FER1L6: variants seen among roughly 807,000 people sequenced by gnomAD.
FER1L6 encodes fer-1-like protein 6.
FER1L6 carries 177 observed loss-of-function variants against 219.2 expected under a neutral mutation model. The observed-to-expected ratio is 0.81, with a 90% CI of 0.71 to 0.91. The LOEUF is 0.91. FER1L6 is among the 40% of genes least tolerant of loss of function. FER1L6 has a pLI of 0.00. For missense variants in FER1L6, 2,153 were observed against 2,259.9 expected, an observed-to-expected ratio of 0.95 and a Z score of 0.96; for synonymous variants, 768 against 824.3, an observed-to-expected ratio of 0.93 and a Z score of 1.17.
In FER1L6 at chr8:123,901,955, C is replaced by T. The variant is rs117726723; in HGVS notation, c.-8+49770C>T. On this transcript the variant is annotated intron_variant, in intron 1 of 40. Transcript: ENST00000522917. ...CAGGAGGGTCTCAATCTCCAGACTTCGTTATCCCCCACCTCAGCCTCCCCA... is the reference window on the plus strand; with the variant it reads ...CAGGAGGGTCTCAATCTCCAGACTTTGTTATCCCCCACCTCAGCCTCCCCA... 4.7e-3 allele frequency among the ~76,000 whole-genome samples: 713 copies of T among 152,032 alleles called. 2 individuals carry two copies. Among genetic ancestry groups the T allele is most frequent in the Middle Eastern group, 0.017 (5 of 294 alleles).
chr8:124,064,380 CTG>C lies in FER1L6; in HGVS notation c.3363_3364del (p.Gly1122SerfsTer18), dbSNP rs1341436246. The C allele has an allele frequency of 6.2e-7, 1 of 1,612,890 alleles. No individual in the cohort carries two copies. The highest frequency in any genetic ancestry group is 8.5e-7 in the Non-Finnish European group (1 of 1,179,672). ...GATTCGCTAACAGCCACTGAGTCCT[CTG>C]GAGCCCACAGCTCCTCCCAGGATCC... On this transcript the variant is annotated frameshift_variant, in exon 26 of 41. Transcript: ENST00000522917. LOFTEE classifies it high-confidence loss of function.
rs181129606 is a variant in FER1L6, at chr8:123,883,924, A to C, written c.-8+31739A>C. Among the ~76,000 whole-genome samples, 8 of 152,336 alleles carry C rather than the reference A, an allele frequency of 5.3e-5. No individual in the cohort carries two copies. The East Asian group carries it at 1.5e-3, about 29-fold the overall frequency. ...TCACGTTACAATACTTACTTAATAC[A>C]ATCATGTTGGTAATTAAGTTTCAAC... On this transcript the variant is annotated intron_variant, in intron 1 of 40. Coordinates refer to ENST00000522917, the MANE Select transcript of FER1L6 (RefSeq NM_001039112.2).
rs145750421 is a variant in FER1L6, at chr8:124,087,147, CTT to C, written c.4392-4274_4392-4273del. 7.7e-3 allele frequency among the ~76,000 whole-genome samples: 1,167 copies of C among 152,152 alleles called. 12 individuals carry two copies. Among genetic ancestry groups the C allele is most frequent in the African/African-American group, 0.026 (1,097 of 41,500 alleles). On this transcript the variant is annotated intron_variant, in intron 33 of 40. Transcript: ENST00000522917. ...TCTTTCTCTTGGTTTCTTATTATCTCTTTGAATAAACTTTCTACTCTGATCTC... is the reference window on the plus strand; with the variant it reads ...TCTTTCTCTTGGTTTCTTATTATCTCTGAATAAACTTTCTACTCTGATCTC...
chr8:124,016,764 T>A (rs531534837), intron 15 of FER1L6, among the ~76,000 whole-genome samples: 1 of 152,226 alleles, frequency 6.6e-6, no homozygotes, highest in Non-Finnish European at 1.5e-5. Flanking sequence ...TAGTCCCTAA[T>A]GACATTTAAG....
rs764321923 is a variant in FER1L6, at chr8:124,045,899, G to T, written c.2722G>T (p.Val908Leu). 6.8e-6 allele frequency: 11 copies of T among 1,613,644 alleles called. No homozygotes were observed. Among genetic ancestry groups the T allele is most frequent in the Non-Finnish European group, 4.2e-6 (5 of 1,179,964 alleles). The change falls in exon 21 of 41, where the codon GTG becomes TTG. Residue 908 changes from valine (V) to leucine (L), a missense_variant and splice_region_variant. Physicochemically the swap from Val to Leu is conservative, Grantham distance 32 (BLOSUM62 1). Coordinates refer to ENST00000522917, the MANE Select transcript of FER1L6 (RefSeq NM_001039112.2). ...VVVELYDSDA[V>L]GKPEYLGATV... ...GGTGGAGCTGTATGACAGCGACGCT[G>T]TGGTGAGTGTCCCCCTGGGCCAGTG...
chr8:123,934,490 T>A (rs1312521108), intron 1 of FER1L6, among the ~76,000 whole-genome samples: 1 of 152,132 alleles, frequency 6.6e-6, no homozygotes, highest in Non-Finnish European at 1.5e-5. Flanking sequence ...TTTTCTCAAT[T>A]TATATTTGCT....
At chr8:123,930,162 C>T (rs2129911518) in intron 1 of FER1L6, among the ~76,000 whole-genome samples, 1 of 152,230 alleles carries the variant, frequency 6.6e-6, no homozygotes, top group South Asian at 2.1e-4. Context: ...ATTCAGATTT[C>T]CCCAGTTTGA....
intron 1 of FER1L6, among the ~76,000 whole-genome samples, chr8:123,877,722 G>A (rs1419808963): frequency 6.7e-6 from 1 of 150,278 alleles, no homozygotes; most frequent in African/African-American, 2.5e-5. Flanking sequence ...GAATATGTAT[G>A]TGAAATACGC....
At chr8:123,891,357 A>G (rs979961640) in intron 1 of FER1L6, among the ~76,000 whole-genome samples, 1 of 152,134 alleles carries the variant, frequency 6.6e-6, no homozygotes, top group Non-Finnish European at 1.5e-5. Flanking sequence ...GTCGTATAAT[A>G]TTTAAACAAA....
chr8:124,062,872 A>G (rs1448383857), intron 25 of FER1L6, among the ~76,000 whole-genome samples: 1 of 152,228 alleles, frequency 6.6e-6, no homozygotes, highest in Non-Finnish European at 1.5e-5. Context: ...GCACTGATCT[A>G]CACCAGTCTA....
intron 1 of FER1L6, among the ~76,000 whole-genome samples, chr8:123,897,742 G>T (rs1308358455): frequency 6.6e-6 from 1 of 152,100 alleles, no homozygotes; most frequent in Admixed American, 6.6e-5. Context: ...AATAAATATT[G>T]TGTTTTCTTC....
At chr8:124,001,134 C>A (rs1304007274) in intron 12 of FER1L6, among the ~76,000 whole-genome samples, 2 of 152,224 alleles carry the variant, frequency 1.3e-5, no homozygotes, top group African/African-American at 4.8e-5. Context: ...AGTAAATTCC[C>A]TTAGTGGACT....
intron 15 of FER1L6, 22 bp downstream of exon 15, chr8:124,013,553 A>C: frequency 6.5e-7 from 1 of 1,542,042 alleles, no homozygotes; most frequent in Non-Finnish European, 8.8e-7. Context: ...GACAGCCGGC[A>C]TAGGCGGAGC....
chr8:123,901,750 G>A (rs1207264854), intron 1 of FER1L6, among the ~76,000 whole-genome samples: 6 of 151,170 alleles, frequency 4.0e-5, no homozygotes, highest in Admixed American at 6.6e-5. Flanking sequence ...ATGGAGCCTC[G>A]CTCTGTTGCC....
Position 123,966,177 on chromosome 8 carries a change from G to A in FER1L6, c.271G>A (p.Glu91Lys), listed in dbSNP as rs374565862. The A allele has an allele frequency of 2.1e-5, 34 of 1,613,876 alleles. No homozygotes were observed. The East Asian group carries it at 3.8e-4, about 18-fold the overall frequency. ...QNYQIAITIT[E>K]ARQLVGENID... ...GTTGCAGATTGCCATAACCATCACC[G>A]AGGCTCGCCAGCTGGTGGGTGAGAA... Residue 91 changes from glutamate (E) to lysine (K), a missense_variant, in exon 5 of 41, where the codon GAG becomes AAG. Glu to Lys is a moderately conservative substitution (Grantham distance 56, BLOSUM62 1). Coordinates refer to ENST00000522917, the MANE Select transcript of FER1L6 (RefSeq NM_001039112.2).
In FER1L6 at chr8:124,102,129, T is replaced by C. The variant is rs577932166; in HGVS notation, c.5125+791T>C. Among the ~76,000 whole-genome samples, 4 of 152,306 alleles carry C rather than the reference T, an allele frequency of 2.6e-5. No homozygotes were observed. The East Asian group carries it at 7.7e-4, about 29-fold the overall frequency. ...ACTTGAAGAGTCTGTTCTATGAGTC[T>C]TAAGGTCTTTGTTGATGTTAACAGT... On this transcript the variant is annotated intron_variant, in intron 38 of 40. Transcript: ENST00000522917.
intron 1 of FER1L6, among the ~76,000 whole-genome samples, chr8:123,917,733 G>A (rs924139175): frequency 1.3e-5 from 2 of 152,042 alleles, no homozygotes; most frequent in African/African-American, 4.8e-5. Flanking sequence ...TTCTCTTCAG[G>A]CATCTTTCTA....
chr8:123,935,131 G>GT (rs961017077), intron 1 of FER1L6, among the ~76,000 whole-genome samples: 2 of 152,088 alleles, frequency 1.3e-5, no homozygotes, highest in East Asian at 3.8e-4. Flanking sequence ...GGTGACTTAA[G>GT]TTTTTTTCTT....
intron 1 of FER1L6, among the ~76,000 whole-genome samples, chr8:123,892,221 A>G (rs1225617041): frequency 6.6e-6 from 1 of 152,204 alleles, no homozygotes; most frequent in African/African-American, 2.4e-5. Context: ...AAACATTTTC[A>G]TGTAAGAGAT....
Sources: gnomAD v4.1 joint callset for allele counts (sites outside exome capture counted in the v4.1 genomes callset) on GRCh38, gnomAD v4.1.1 for gene constraint, MANE v1.5 for transcripts, NCBI Gene and HGNC (gene_info 2026-07-23, HGNC 2026-07-21) for gene names.